USP15: variants seen among roughly 807,000 people sequenced by gnomAD.
The protein encoded by USP15 is ubiquitin specific peptidase 15, also known as ubiquitin carboxyl-terminal hydrolase 15.
In USP15, 18 loss-of-function variants were observed where a neutral mutation model predicts 127.1. The ratio of observed to expected loss-of-function variants is 0.14; its 90% CI spans 0.10 to 0.21. USP15 has a LOEUF of 0.21. Among genes scored for constraint, USP15 ranks in the 10% least tolerant of loss-of-function variants. USP15 has a pLI of 1.00. For missense variants in USP15, 805 were observed against 1,159.9 expected (o/e 0.69, Z 4.44); for synonymous variants, 364 against 393.7 (o/e 0.92, Z 0.89).
chr12:62,332,406 A>G (rs1322514333), intron 6 of USP15, among the ~76,000 whole-genome samples: 3 of 150,924 alleles, frequency 2.0e-5, no homozygotes, highest in Non-Finnish European at 3.0e-5. Context: ...GTAAAATTTC[A>G]TTTCTTTTTT....
rs546417165 is a variant in USP15, at chr12:62,287,010, C to A, written c.90-7169C>A. 8.0e-4 allele frequency among the ~76,000 whole-genome samples: 121 copies of A among 151,874 alleles called. 1 individual carries two copies. Among genetic ancestry groups the A allele is most frequent in the African/African-American group, 2.8e-3 (117 of 41,432 alleles). On this transcript the variant is annotated intron_variant, in intron 1 of 21. Transcript: ENST00000280377. ...CTATCAAAAAGAATGAAATTGTATC[C>A]TTTACAGCAACATGGATGCAGCTGG...
At chr12:62,396,546 C>T in intron 20 of USP15, 148 bp downstream of exon 20, 1 of 656,352 alleles carries the variant, frequency 1.5e-6, no homozygotes, top group East Asian at 3.1e-5. Flanking sequence ...AATGAGTCAG[C>T]TTTTGAACCT....
At chr12:62,325,720 T>A (rs796641033) in intron 5 of USP15, 152 bp from the exon 6 acceptor site, 23 of 538,154 alleles carry the variant, frequency 4.3e-5, no homozygotes, top group African/African-American at 4.0e-4. Context: ...AGCTTTGGAA[T>A]CGAAATGCAG....
chr12:62,300,440 T>A (rs2064276262), intron 2 of USP15, among the ~76,000 whole-genome samples: 1 of 152,110 alleles, frequency 6.6e-6, no homozygotes, highest in Non-Finnish European at 1.5e-5. Context: ...GAAATTCAAA[T>A]GACAGAATGG....
rs1160209650 is a variant in USP15, at chr12:62,391,015, C to G, written c.1960+36C>G. On this transcript the variant is annotated intron_variant, in intron 15 of 21. Transcript: ENST00000280377. ...TCTGTTAAATTGTACAAATGTTTCACTTAGATAATTGCCTCAGAGAAAAAG... is the reference window on the plus strand; with the variant it reads ...TCTGTTAAATTGTACAAATGTTTCAGTTAGATAATTGCCTCAGAGAAAAAG... 3.2e-6 allele frequency: 5 copies of G among 1,577,372 alleles called. No individual in the cohort carries two copies. The African/African-American group carries it at 4.1e-5, about 13-fold the overall frequency.
At chr12:62,389,064 G>A (rs1190392752) in intron 11 of USP15, among the ~76,000 whole-genome samples, 2 of 137,990 alleles carry the variant, frequency 1.4e-5, no homozygotes, top group Admixed American at 7.4e-5. Context: ...GGTTGAGGCT[G>A]CGGTGAGCCA....
intron 1 of USP15, among the ~76,000 whole-genome samples, chr12:62,287,679 T>A (rs958784653): frequency 6.6e-6 from 1 of 152,196 alleles, no homozygotes. Context: ...AGGTTTTTTT[T>A]AGGACTTTTA....
intron 1 of USP15, among the ~76,000 whole-genome samples, chr12:62,266,246 A>T (rs1565799025): frequency 6.6e-6 from 1 of 152,192 alleles, no homozygotes; most frequent in African/African-American, 2.4e-5. Flanking sequence ...CCCATGAAGC[A>T]TATAGTAAGA....
At chr12:62,369,406 A>G (rs2066588472) in intron 8 of USP15, among the ~76,000 whole-genome samples, 1 of 152,190 alleles carries the variant, frequency 6.6e-6, no homozygotes, top group African/African-American at 2.4e-5. Flanking sequence ...TTGCCACAGC[A>G]AAAACACATT....
At chr12:62,295,318 A>G (rs1170153459) in intron 2 of USP15, among the ~76,000 whole-genome samples, 2 of 152,204 alleles carry the variant, frequency 1.3e-5, no homozygotes. Flanking sequence ...TTTAGAGTAG[A>G]CTTCTGAGAA....
At chr12:62,335,492 T>A in intron 6 of USP15, 1 of 1,206,044 alleles carries the variant, frequency 8.3e-7, no homozygotes, top group Non-Finnish European at 1.0e-6. Flanking sequence ...CTACCTGTAG[T>A]ATTTATCTCA....
At chr12:62,374,420 TGA>T in intron 8 of USP15, 1 of 985,744 alleles carries the variant, frequency 1.0e-6, no homozygotes, top group Non-Finnish European at 1.2e-6. Context: ...TGAGCATACA[TGA>T]TCACTTGAGA....
intron 8 of USP15, among the ~76,000 whole-genome samples, chr12:62,376,981 A>C (rs372428766): frequency 2.0e-5 from 3 of 152,198 alleles, no homozygotes; most frequent in Non-Finnish European, 4.4e-5. Flanking sequence ...AGAATCTTCG[A>C]GATAGATACT....
chr12:62,300,534 A>G (rs2064278766), intron 2 of USP15, among the ~76,000 whole-genome samples: 1 of 152,156 alleles, frequency 6.6e-6, no homozygotes, highest in African/African-American at 2.4e-5. Context: ...TGTAATAATA[A>G]ATATAGTTGA....
chr12:62,285,319 C>T (rs1197687136), intron 1 of USP15, among the ~76,000 whole-genome samples: 2 of 152,168 alleles, frequency 1.3e-5, no homozygotes, highest in Non-Finnish European at 2.9e-5. Context: ...ATTTAGCTCC[C>T]ACTTATAAGT....
At chr12:62,290,041 A>G (rs1193246608) in intron 1 of USP15, among the ~76,000 whole-genome samples, 2 of 152,114 alleles carry the variant, frequency 1.3e-5, no homozygotes, top group Admixed American at 6.6e-5. Flanking sequence ...CATATGGCCT[A>G]TTTTGGAGAA....
intron 5 of USP15, 61 bp downstream of exon 5, chr12:62,321,670 A>G: frequency 7.3e-7 from 1 of 1,363,544 alleles, no homozygotes; most frequent in Non-Finnish European, 9.7e-7. Flanking sequence ...ACAAACTTTA[A>G]TAATTATCCT....
intron 6 of USP15, among the ~76,000 whole-genome samples, chr12:62,343,273 C>G (rs1032977283): frequency 1.3e-5 from 2 of 152,244 alleles, no homozygotes; most frequent in Non-Finnish European, 2.9e-5. Context: ...TAAACAAGCT[C>G]GATCGTCCCA....
intron 1 of USP15, among the ~76,000 whole-genome samples, chr12:62,272,613 C>T (rs750595719): frequency 5.3e-5 from 8 of 152,034 alleles, no homozygotes; most frequent in Non-Finnish European, 8.8e-5. Flanking sequence ...AGTGTAAAAG[C>T]ACCAAACAAC....
Sources: allele counts gnomAD v4.1 joint callset (sites outside exome capture counted in the v4.1 genomes callset), GRCh38; gene constraint gnomAD v4.1.1; transcripts MANE v1.5; gene names NCBI Gene and HGNC (gene_info 2026-07-23, HGNC 2026-07-21).